The following PTPRJ variants were observed in gnomAD, a reference collection of about 807,000 sequenced individuals.
PTPRJ encodes protein tyrosine phosphatase receptor type J.
In PTPRJ, 129 loss-of-function variants were observed where a neutral mutation model predicts 141.3. The observed-to-expected ratio is 0.91, with a 90% confidence interval of 0.79 to 1.06. The LOEUF is 1.06. PTPRJ is among the 50% of genes least tolerant of loss of function. The probability of loss-of-function intolerance (pLI) is 0.00; values close to 1 mark genes in which losing one functional copy is unlikely to be tolerated. For synonymous variants in PTPRJ, 610 were observed against 640.5 expected (o/e 0.95, Z 0.72); for missense variants, 1,601 against 1,679.7 (o/e 0.95, Z 0.82).
intron 24 of PTPRJ, among the ~76,000 whole-genome samples, chr11:48,165,304 T>TA (rs1464039098): frequency 6.6e-6 from 1 of 152,252 alleles, no homozygotes; most frequent in Non-Finnish European, 1.5e-5. Context: ...TTGTACATTT[T>TA]AAAGACTATC....
intron 1 of PTPRJ, among the ~76,000 whole-genome samples, chr11:48,081,582 T>C (rs1306491402): frequency 6.6e-6 from 1 of 151,970 alleles, no homozygotes; most frequent in East Asian, 1.9e-4. Context: ...TCGCCACAAA[T>C]GTGTGGCTGT....
At chr11:48,066,993 T>C (rs1855103601) in intron 1 of PTPRJ, among the ~76,000 whole-genome samples, 1 of 152,168 alleles carries the variant, frequency 6.6e-6, no homozygotes, top group Admixed American at 6.5e-5. Flanking sequence ...TGTGGGTACC[T>C]CCCAGAGTTT....
chr11:48,118,932 A>C (rs1856633265), intron 3 of PTPRJ, among the ~76,000 whole-genome samples: 1 of 149,246 alleles, frequency 6.7e-6, no homozygotes, highest in African/African-American at 2.5e-5. Context: ...AGGCAGGAGA[A>C]TCGCCTGAAC....
At chr11:48,115,950 G>A (rs7947874) in intron 3 of PTPRJ, among the ~76,000 whole-genome samples, 6,134 of 152,108 alleles carry the variant, frequency 0.04, 136 homozygotes, top group East Asian at 0.084. Context: ...AAAAAGCAAG[G>A]AATCAAAACA....
At chr11:48,024,998 C>T (rs754592146) in intron 1 of PTPRJ, among the ~76,000 whole-genome samples, 1 of 152,228 alleles carries the variant, frequency 6.6e-6, no homozygotes, top group Non-Finnish European at 1.5e-5. Flanking sequence ...CCCTAAGGGG[C>T]CTTCTCATTT....
intron 1 of PTPRJ, among the ~76,000 whole-genome samples, chr11:48,039,110 A>G (rs1854204832): frequency 6.7e-6 from 1 of 150,344 alleles, no homozygotes; most frequent in African/African-American, 2.5e-5. Flanking sequence ...AGATCATACC[A>G]CTGCACTCCA....
At chr11:48,117,837 A>C (rs986119442) in intron 3 of PTPRJ, among the ~76,000 whole-genome samples, 1 of 152,164 alleles carries the variant, frequency 6.6e-6, no homozygotes, top group Non-Finnish European at 1.5e-5. Context: ...AGCTAGACTA[A>C]GAAAAAAGAG....
At chr11:48,096,576 C>G (rs749625037) in intron 1 of PTPRJ, among the ~76,000 whole-genome samples, 1 of 139,700 alleles carries the variant, frequency 7.2e-6, no homozygotes, top group Non-Finnish European at 1.5e-5. Context: ...CATTAAAGAA[C>G]GTCTTCAATT....
At chr11:47,998,838 A>G (rs1854411786) in intron 1 of PTPRJ, among the ~76,000 whole-genome samples, 1 of 152,104 alleles carries the variant, frequency 6.6e-6, no homozygotes, top group South Asian at 2.1e-4. Flanking sequence ...TATTCGGTAA[A>G]TACATGTAGG....
intron 1 of PTPRJ, among the ~76,000 whole-genome samples, chr11:48,057,437 C>T (rs912111282): frequency 6.6e-6 from 1 of 152,102 alleles, no homozygotes; most frequent in Non-Finnish European, 1.5e-5. Flanking sequence ...CTGATACAGT[C>T]TTGGAGAATG....
intron 1 of PTPRJ, among the ~76,000 whole-genome samples, chr11:48,103,419 A>G (rs1475009627): frequency 6.6e-6 from 1 of 152,224 alleles, no homozygotes; most frequent in Non-Finnish European, 1.5e-5. Flanking sequence ...TGATTGTGCC[A>G]TTGTACTCTG....
rs1253186692 is a variant in PTPRJ at position 47,990,762 on chromosome 11, T to G, written c.96+9754T>G. On this transcript the variant is annotated intron_variant, in intron 1 of 24. Coordinates refer to ENST00000418331, the MANE Select transcript of PTPRJ (RefSeq NM_002843.4). ...GTTCAGTGGCGCAATCTTGGCTCACTGCAAGCTCCACCTCCCGGGTTCACG... is the reference window on the plus strand; with the variant it reads ...GTTCAGTGGCGCAATCTTGGCTCACGGCAAGCTCCACCTCCCGGGTTCACG... Among the ~76,000 whole-genome samples, 185 of 149,874 alleles carry G rather than the reference T, an allele frequency of 1.2e-3. 3 individuals carry two copies. Among genetic ancestry groups the G allele is most frequent in the Non-Finnish European group, 1.3e-4 (9 of 67,702 alleles).
At chr11:48,010,756 G>A (rs1854762713) in intron 1 of PTPRJ, among the ~76,000 whole-genome samples, 1 of 151,578 alleles carries the variant, frequency 6.6e-6, no homozygotes. Context: ...GGCTGGTCTC[G>A]AACTCCTGAC....
intron 1 of PTPRJ, among the ~76,000 whole-genome samples, chr11:48,003,048 A>G (rs1381752605): frequency 1.3e-5 from 2 of 152,198 alleles, no homozygotes; most frequent in African/African-American, 4.8e-5. Flanking sequence ...CTTATTTAAG[A>G]TAATTATATT....
At chr11:48,054,546 A>G (rs1854703449) in intron 1 of PTPRJ, among the ~76,000 whole-genome samples, 1 of 152,078 alleles carries the variant, frequency 6.6e-6, no homozygotes, top group Admixed American at 6.6e-5. Flanking sequence ...TTGCCCACCT[A>G]GTTAGAAGCA....
At chr11:48,046,757 A>G (rs1854408412) in intron 1 of PTPRJ, among the ~76,000 whole-genome samples, 1 of 151,496 alleles carries the variant, frequency 6.6e-6, no homozygotes, top group Non-Finnish European at 1.5e-5. Context: ...ATTACAGTTT[A>G]CTTGTGTGTA....
At chr11:48,046,184 C>T (rs1397797246) in intron 1 of PTPRJ, 1 of 152,086 alleles carries the variant, frequency 6.6e-6, no homozygotes, top group African/African-American at 2.4e-5. Context: ...GTAGCTGGGA[C>T]TACAGCTGTG....
chr11:48,145,564 T>TTC (rs1436647850), intron 14 of PTPRJ, among the ~76,000 whole-genome samples: 6 of 142,690 alleles, frequency 4.2e-5, no homozygotes, highest in Admixed American at 4.1e-4. Flanking sequence ...TTATGTTTTT[T>TTC]TTTTTTTTTT....
chr11:47,998,452 T>C (rs1854400664), intron 1 of PTPRJ, among the ~76,000 whole-genome samples: 1 of 152,192 alleles, frequency 6.6e-6, no homozygotes, highest in South Asian at 2.1e-4. Flanking sequence ...TTGAAAAAAT[T>C]ATCACGCCCA....
Sources: allele counts gnomAD v4.1 joint callset (sites outside exome capture counted in the v4.1 genomes callset), GRCh38; gene constraint gnomAD v4.1.1; transcripts MANE v1.5; gene names NCBI Gene and HGNC (gene_info 2026-07-23, HGNC 2026-07-21).